Variants in PGS1 observed in about 807,000 individuals in gnomAD.
PGS1 encodes the protein CDP-diacylglycerol--glycerol-3-phosphate 3-phosphatidyltransferase, mitochondrial.
PGS1 carries 44 observed loss-of-function variants against 58.3 expected under a neutral mutation model. The observed-to-expected ratio is 0.75, with a 90% confidence interval of 0.59 to 0.97. The LOEUF is 0.97. PGS1 is among the 50% of genes least tolerant of loss of function. The pLI is 0.00. For missense variants in PGS1, 684 were observed against 731.1 expected, an observed-to-expected ratio of 0.94 and a Z score of 0.74; for synonymous variants, 330 against 311.0, an observed-to-expected ratio of 1.06 and a Z score of -0.64.
chr17:78,401,463 C>T (rs960192667), intron 6 of PGS1, among the ~76,000 whole-genome samples: 9 of 152,202 alleles, frequency 5.9e-5, no homozygotes, highest in African/African-American at 1.9e-4. Flanking sequence ...CAGGTTCTGG[C>T]GTGAGTGTTC....
intron 6 of PGS1, among the ~76,000 whole-genome samples, chr17:78,402,290 C>T (rs2083736688): frequency 6.6e-6 from 1 of 152,228 alleles, no homozygotes; most frequent in Non-Finnish European, 1.5e-5. Flanking sequence ...CTTCCCTGAT[C>T]AGCCTTGCCA....
At chr17:78,393,205 C>T (rs1462359500) in intron 2 of PGS1, among the ~76,000 whole-genome samples, 1 of 151,982 alleles carries the variant, frequency 6.6e-6, no homozygotes, top group African/African-American at 2.4e-5. Context: ...GGACTACAGG[C>T]GCCTGCCACC....
Position 78,416,754 on chromosome 17 carries a change from T to C in PGS1, c.1551+1727T>C, listed in dbSNP as rs1190983748. 2.0e-5 allele frequency among the ~76,000 whole-genome samples: 3 copies of C among 152,216 alleles called. No individual in the cohort carries two copies. In the East Asian group the frequency reaches 5.8e-4, roughly 29 times the overall value. ...TTAGGGATAGACTGATTTCTCTGCC[T>C]GTGAAACGCAGAAATATGTTTCCAG... is the stretch of plus-strand genomic sequence containing the variant. On this transcript the variant is annotated intron_variant, in intron 8 of 9. Transcript: ENST00000262764.
chr17:78,412,255 T>C (rs1463172336), intron 7 of PGS1, among the ~76,000 whole-genome samples: 2 of 152,038 alleles, frequency 1.3e-5, no homozygotes, highest in Admixed American at 1.3e-4. Flanking sequence ...TGGCCTGTGG[T>C]CGTTATTTTC....
At chr17:78,402,742 T>C (rs1449880310) in intron 6 of PGS1, among the ~76,000 whole-genome samples, 1 of 152,226 alleles carries the variant, frequency 6.6e-6, no homozygotes, top group African/African-American at 2.4e-5. Flanking sequence ...CGTGAGCCAC[T>C]GTGCCCGGCC....
At chr17:78,410,512 C>A (rs2084568075) in intron 7 of PGS1, among the ~76,000 whole-genome samples, 1 of 111,630 alleles carries the variant, frequency 9.0e-6, no homozygotes, top group Non-Finnish European at 1.7e-5. Flanking sequence ...CTTGCTCTGT[C>A]ACCCAGGCTG....
intron 1 of PGS1, among the ~76,000 whole-genome samples, chr17:78,385,184 T>C (rs2082294504): frequency 6.6e-6 from 1 of 152,208 alleles, no homozygotes; most frequent in African/African-American, 2.4e-5. Flanking sequence ...AGTGGCGCAA[T>C]CTCGGCTCAC....
At chr17:78,423,793 A>G in intron 9 of PGS1, 1 of 1,376,912 alleles carries the variant, frequency 7.3e-7, no homozygotes, top group South Asian at 1.3e-5. Context: ...CTGATTATTT[A>G]AGAGAACGAA....
chr17:78,411,490 G>A (rs985519300), intron 7 of PGS1, among the ~76,000 whole-genome samples: 24 of 152,264 alleles, frequency 1.6e-4, no homozygotes, highest in African/African-American at 5.3e-4. Flanking sequence ...AGTAGCAGCC[G>A]CCTCTGCTTC....
intron 1 of PGS1, among the ~76,000 whole-genome samples, chr17:78,381,477 G>A (rs2082033273): frequency 6.6e-6 from 1 of 152,130 alleles, no homozygotes; most frequent in African/African-American, 2.4e-5. Context: ...TTTCTGATTC[G>A]TTGTGGCCTT....
At position 78,403,722 on chromosome 17, in the gene PGS1, AG is replaced by A; in HGVS notation, c.1036del (p.Ala346ProfsTer9). 1 of 1,614,240 alleles carries A rather than the reference AG, an allele frequency of 6.2e-7. No homozygotes were observed. The highest frequency in any genetic ancestry group is 8.5e-7 in the Non-Finnish European group (1 of 1,180,046). On this transcript the variant is annotated frameshift_variant, in exon 7 of 10. Transcript: ENST00000262764. LOFTEE classifies it high-confidence loss of function. Reference sequence around the variant, plus strand: ...CAGCAGCTGCTGGGGATCGCAGACCAGCCCCTGACACCTGGATTTATCCGCT... The same window carrying A: ...CAGCAGCTGCTGGGGATCGCAGACCACCCCTGACACCTGGATTTATCCGCT... ...DAAAAGDRRP[A>X]PDTWIYPLIQ...
intron 1 of PGS1, among the ~76,000 whole-genome samples, chr17:78,384,354 C>T (rs889487899): frequency 6.6e-6 from 1 of 152,148 alleles, no homozygotes; most frequent in African/African-American, 2.4e-5. Flanking sequence ...AAGTACGGTA[C>T]CTTCTTGTAG....
At position 78,419,895 on chromosome 17, in the gene PGS1, C is replaced by CTAAG. The variant is rs1394619434; in HGVS notation, c.*10+222_*10+225dup. 9.4e-6 allele frequency: 12 copies of CTAAG among 1,281,712 alleles called. No homozygotes were observed. The East Asian group carries it at 3.9e-4, about 42-fold the overall frequency. 79.4% of individuals were successfully genotyped at this position (1,281,712 alleles called of 1,614,324 possible). On this transcript the variant is annotated intron_variant, in intron 9 of 9. Coordinates refer to ENST00000262764, the MANE Select transcript of PGS1 (RefSeq NM_024419.5). ...CACTTTCCATCTGGTACCCACTCCA[C>CTAAG]TAAGTCCCAAGGCGCCTGTGCTGGG... is the stretch of plus-strand genomic sequence containing the variant.
rs893615873 is a variant in PGS1 at position 78,399,336 on chromosome 17, G to C, written c.512-12G>C. The C allele has an allele frequency of 8.1e-6, 13 of 1,611,322 alleles. No individual in the cohort carries two copies. The highest frequency in any genetic ancestry group is 1.6e-4 in the Middle Eastern group (1 of 6,072). The stretch of plus-strand genomic sequence containing the variant: ...TTGTGAGTCAGGTGCCGTTTTCTCT[G>C]TCCGTGTTCAGGCCGGAAGAACTCC... On this transcript the variant is annotated splice_polypyrimidine_tract_variant and intron_variant, in intron 4 of 9. Coordinates refer to ENST00000262764, the MANE Select transcript of PGS1 (RefSeq NM_024419.5).
chr17:78,404,196 T>C (rs1425036941), intron 7 of PGS1, 107 bp downstream of exon 7: 14 of 1,234,210 alleles, frequency 1.1e-5, no homozygotes, highest in Admixed American at 2.9e-5. Context: ...ACTTCTCCCT[T>C]CCTACCTTCC....
At chr17:78,423,921 C>A (rs774289227) in intron 9 of PGS1, 140 bp from the exon 10 acceptor site, 1 of 1,613,962 alleles carries the variant, frequency 6.2e-7, no homozygotes, top group South Asian at 1.1e-5. Flanking sequence ...CCTGTAGGAG[C>A]AGCGCCACGG....
rs780382464 is a variant in PGS1 at position 78,424,098 on chromosome 17, C to T, written c.*48C>T. 15 of 1,613,842 alleles carry T rather than the reference C, an allele frequency of 9.3e-6. No homozygotes were observed. In the South Asian group the frequency reaches 1.2e-4, roughly 13 times the overall value. The stretch of plus-strand genomic sequence containing the variant: ...TGAAGATGACAGGCATGGCCGGGGT[C>T]AGCTCTTTCAGCCGCGCTTCAGCGA... On this transcript the variant is annotated 3_prime_UTR_variant, in exon 10 of 10. Coordinates refer to ENST00000262764, the MANE Select transcript of PGS1 (RefSeq NM_024419.5).
intron 5 of PGS1, 74 bp downstream of exon 5, chr17:78,399,611 G>A: frequency 8.9e-6 from 13 of 1,460,114 alleles, no homozygotes; most frequent in Non-Finnish European, 7.6e-6. Context: ...AGGAACAGTG[G>A]GAAACCCGTT....
intron 7 of PGS1, among the ~76,000 whole-genome samples, chr17:78,411,767 G>A (rs1055635207): frequency 3.3e-5 from 5 of 152,192 alleles, no homozygotes; most frequent in South Asian, 2.1e-4. Flanking sequence ...TTTCCCGACA[G>A]CGAGTCCCAG....
Sources: allele counts gnomAD v4.1 joint callset (sites outside exome capture counted in the v4.1 genomes callset), GRCh38; gene constraint gnomAD v4.1.1; transcripts MANE v1.5; gene names NCBI Gene and HGNC (gene_info 2026-07-23, HGNC 2026-07-21).